The following MCOLN2 variants were observed in gnomAD, a reference collection of about 807,000 sequenced individuals.
The protein encoded by MCOLN2 is mucolipin TRP cation channel 2.
A neutral mutation model predicts 67.5 loss-of-function variants in MCOLN2; 57 were observed. The ratio of observed to expected loss-of-function variants is 0.84; its 90% CI spans 0.68 to 1.05. MCOLN2 has a LOEUF of 1.05. Ranked by LOEUF, MCOLN2 falls within the 50% of genes least tolerant of loss-of-function variation. The pLI is 0.00. For synonymous variants in MCOLN2, 246 were observed against 233.3 expected (o/e 1.05, Z -0.50); for missense variants, 620 against 678.8 (o/e 0.91, Z 0.96).
At position 84,997,075 on chromosome 1, in the gene MCOLN2, G is replaced by A. The variant is rs1320250233; in HGVS notation, c.-203C>T. 6.8e-6 allele frequency: 4 copies of A among 590,022 alleles called. No homozygotes were observed. The highest frequency in any genetic ancestry group is 3.8e-5 in the African/African-American group (2 of 52,882). The allele number at this position is 590,022 out of a possible 1,614,324, so 36.5% of individuals were successfully genotyped here. A position where few individuals can be genotyped will look rare whatever the true frequency, so the allele number is the denominator to read the frequency against. On this transcript the variant is annotated 5_prime_UTR_variant, in exon 1 of 14. Coordinates refer to ENST00000370608, the MANE Select transcript of MCOLN2 (RefSeq NM_153259.4). ...AGCAGGCGCCGCAGTCGTGGAGTGC[G>A]GCGGGCAGTTCTCGGGCGGCTGAAA...
chr1:84,942,324 G>A (rs1191589304), intron 7 of MCOLN2, among the ~76,000 whole-genome samples: 1 of 152,136 alleles, frequency 6.6e-6, no homozygotes, highest in African/African-American at 2.4e-5. Context: ...GTGTAGAATG[G>A]GAAAGAACAT....
At chr1:84,969,877 G>A (rs654666) in intron 1 of MCOLN2, among the ~76,000 whole-genome samples, 53,502 of 151,772 alleles carry the variant, frequency 0.35, 9,758 homozygotes, top group African/African-American at 0.43. Context: ...TTCTGACTCT[G>A]GAGAGAGGGG....
chr1:84,987,438 A>AAATATATACATATATACATATAT (rs1407293052), intron 1 of MCOLN2, among the ~76,000 whole-genome samples: 1 of 129,430 alleles, frequency 7.7e-6, no homozygotes, highest in Admixed American at 8.6e-5. Context: ...ATACGTATAT[A>AAATATATACATATATACATATAT]GATATATACA....
chr1:84,956,388 C>T, intron 4 of MCOLN2, 43 bp downstream of exon 4: 1 of 1,588,996 alleles, frequency 6.3e-7, no homozygotes, highest in African/African-American at 1.4e-5. Flanking sequence ...CTGCTCTTAC[C>T]AGAAGACGAT....
chr1:84,975,517 GC>G (rs1361778293), intron 1 of MCOLN2, among the ~76,000 whole-genome samples: 1 of 152,116 alleles, frequency 6.6e-6, no homozygotes, highest in Non-Finnish European at 1.5e-5. Flanking sequence ...AGATCACAAT[GC>G]CCAAGTCCTT....
intron 1 of MCOLN2, among the ~76,000 whole-genome samples, chr1:84,970,255 C>T (rs1367870928): frequency 1.3e-5 from 2 of 151,614 alleles, no homozygotes; most frequent in African/African-American, 4.9e-5. Flanking sequence ...AAACTACCCC[C>T]CAACTCCCCC....
chr1:84,974,208 C>T (rs1210222041), intron 1 of MCOLN2, among the ~76,000 whole-genome samples: 2 of 152,054 alleles, frequency 1.3e-5, no homozygotes, highest in African/African-American at 4.8e-5. Context: ...ATTTGAAAGG[C>T]AATTTAGGCC....
At chr1:84,972,879 A>G (rs1277888879) in intron 1 of MCOLN2, among the ~76,000 whole-genome samples, 5 of 152,174 alleles carry the variant, frequency 3.3e-5, no homozygotes, top group African/African-American at 1.2e-4. Flanking sequence ...AAATGAATAC[A>G]CCAGTTTCAG....
At chr1:84,970,140 T>A (rs529691841) in intron 1 of MCOLN2, among the ~76,000 whole-genome samples, 1 of 152,314 alleles carries the variant, frequency 6.6e-6, no homozygotes, top group African/African-American at 2.4e-5. Flanking sequence ...TCAGTGTTGC[T>A]AAAGCATCCC....
chr1:84,965,683 C>T lies in MCOLN2; in HGVS notation c.103G>A (p.Glu35Lys), dbSNP rs1415705154. ...TCCCTTAGACATTCTTCTTTCATCT[C>T]AGAATCACGATGTGCCATTGCATTT... ...VRNAMAHRDS[E>K]MKEECLREDL... Residue 35 changes from glutamate (E) to lysine (K), a missense_variant, in exon 2 of 14, where the codon GAG becomes AAG. Transcript: ENST00000370608. 6.2e-7 allele frequency: 1 copy of T among 1,613,546 alleles called. No homozygotes were observed. Among genetic ancestry groups the T allele is most frequent in the South Asian group, 1.1e-5 (1 of 90,900 alleles).
intron 2 of MCOLN2, among the ~76,000 whole-genome samples, chr1:84,959,532 C>A (rs1648966579): frequency 6.6e-6 from 1 of 152,198 alleles, no homozygotes; most frequent in Non-Finnish European, 1.5e-5. Context: ...CACACAGCTA[C>A]ACACATACCT....
intron 1 of MCOLN2, among the ~76,000 whole-genome samples, chr1:84,976,246 G>A (rs631267): frequency 0.51 from 76,730 of 151,816 alleles, 19,672 homozygotes; most frequent in East Asian, 0.64. Context: ...TTAATAATCA[G>A]ACTCCTAAAG....
At chr1:84,962,762 T>C (rs984822239) in intron 2 of MCOLN2, among the ~76,000 whole-genome samples, 2 of 151,998 alleles carry the variant, frequency 1.3e-5, no homozygotes, top group African/African-American at 2.4e-5. Context: ...GGGTAGGAAA[T>C]AGTAGATGAA....
intron 11 of MCOLN2, among the ~76,000 whole-genome samples, chr1:84,936,034 C>T (rs145622357): frequency 3.3e-5 from 5 of 152,202 alleles, no homozygotes; most frequent in African/African-American, 4.8e-5. Flanking sequence ...GGAGTCAGGC[C>T]GACCTGGGTT....
At chr1:84,944,184 G>A (rs1286775161) in intron 7 of MCOLN2, among the ~76,000 whole-genome samples, 1 of 152,122 alleles carries the variant, frequency 6.6e-6, no homozygotes, top group African/African-American at 2.4e-5. Flanking sequence ...ATAGGATTCT[G>A]TTTTTCTTTG....
chr1:84,951,200 C>T (rs1648413824), intron 6 of MCOLN2, among the ~76,000 whole-genome samples: 1 of 152,186 alleles, frequency 6.6e-6, no homozygotes, highest in Non-Finnish European at 1.5e-5. Flanking sequence ...TGTAAGCTTT[C>T]CTGAGGGCCA....
At chr1:84,938,720 G>A (rs775293599) in intron 9 of MCOLN2, among the ~76,000 whole-genome samples, 8 of 152,260 alleles carry the variant, frequency 5.3e-5, no homozygotes, top group African/African-American at 1.4e-4. Context: ...CTGACAAGAC[G>A]TCCTAGAGGG....
At chr1:84,929,793 A>AGTTCTTG in intron 12 of MCOLN2, 114 bp from the exon 13 acceptor site, 1 of 986,200 alleles carries the variant, frequency 1.0e-6, no homozygotes, top group Non-Finnish European at 1.5e-6. Flanking sequence ...TTGCTAGCTC[A>AGTTCTTG]GATCCAAGAA....
chr1:84,961,398 T>C (rs751518187), intron 2 of MCOLN2, among the ~76,000 whole-genome samples: 11 of 152,210 alleles, frequency 7.2e-5, no homozygotes, highest in Non-Finnish European at 1.3e-4. Flanking sequence ...TTTGCTGATA[T>C]TTGAAGCCAT....
Sources: allele counts gnomAD v4.1 joint callset (sites outside exome capture counted in the v4.1 genomes callset), GRCh38; gene constraint gnomAD v4.1.1; transcripts MANE v1.5; gene names NCBI Gene and HGNC (gene_info 2026-07-23, HGNC 2026-07-21).